Variants in FRMD6 observed in about 807,000 individuals in gnomAD.
FRMD6 encodes the protein FERM domain-containing protein 6.
Under a neutral mutation model 73.2 loss-of-function variants are expected in FRMD6, and 37 were observed. The ratio of observed to expected loss-of-function variants is 0.51; its 90% CI spans 0.39 to 0.66. The LOEUF (loss-of-function observed/expected upper bound fraction) is 0.66, where lower values mean the gene tolerates loss of function less well. Ranked by LOEUF, FRMD6 falls within the 30% of genes least tolerant of loss-of-function variation. The pLI, the probability that FRMD6 is intolerant of heterozygous loss-of-function variation, is 0.00. For synonymous variants in FRMD6, 273 were observed against 282.2 expected (o/e 0.97, Z 0.33); for missense variants, 714 against 780.5 (o/e 0.91, Z 1.02).
At position 51,728,831 on chromosome 14, in the gene FRMD6, G is replaced by C. The variant is rs1253811680; in HGVS notation, c.*802G>C. 2.0e-5 allele frequency: 3 copies of C among 152,384 alleles called. No individual in the cohort carries two copies. The highest frequency in any genetic ancestry group is 4.4e-5 in the Non-Finnish European group (3 of 68,034). 9.4% of individuals were successfully genotyped at this position (152,384 alleles called of 1,614,324 possible). On this transcript the variant is annotated 3_prime_UTR_variant, in exon 14 of 14. Transcript: ENST00000344768. ...TTTGGAAAATGTCTTAGAAAACGTT[G>C]GTGCTTGGTGATGCTTTATTTGTTT...
chr14:51,415,800 G>C, the FRMD6 span, among the ~76,000 whole-genome samples: 1 of 152,126 alleles, frequency 6.6e-6, no homozygotes, highest in Non-Finnish European at 1.5e-5. Context: ...TTTTTGGTTG[G>C]TAGGCTATTA....
At chr14:51,614,539 T>G (rs1022168048) in intron 2 of FRMD6, among the ~76,000 whole-genome samples, 2 of 152,206 alleles carry the variant, frequency 1.3e-5, no homozygotes, top group African/African-American at 4.8e-5. Flanking sequence ...TAAACAGGAT[T>G]TTCAATTCAG....
At chr14:51,405,725 G>A in the FRMD6 span, among the ~76,000 whole-genome samples, 356 of 152,168 alleles carry the variant, frequency 2.3e-3, no homozygotes, top group African/African-American at 8.4e-3. Flanking sequence ...TATAGATGCT[G>A]GATGTTAGAC....
intron 1 of FRMD6, among the ~76,000 whole-genome samples, chr14:51,676,382 A>G (rs1306189913): frequency 6.6e-6 from 1 of 152,206 alleles, no homozygotes; most frequent in African/African-American, 2.4e-5. Context: ...CATTAACAAT[A>G]CTAGGAGCTC....
the FRMD6 span, among the ~76,000 whole-genome samples, chr14:51,476,111 C>T: frequency 6.6e-6 from 1 of 152,192 alleles, no homozygotes; most frequent in African/African-American, 2.4e-5. Context: ...CAGAGTCATG[C>T]CTTCCACTCA....
chr14:51,493,768 C>A (rs563193396), intron 1 of FRMD6, among the ~76,000 whole-genome samples: 47 of 152,156 alleles, frequency 3.1e-4, no homozygotes, highest in Non-Finnish European at 1.0e-4. Context: ...TTGAGATGGT[C>A]CAATGAATGC....
At chr14:51,458,135 C>T in the FRMD6 span, among the ~76,000 whole-genome samples, 2 of 152,150 alleles carry the variant, frequency 1.3e-5, no homozygotes, top group South Asian at 4.1e-4. Context: ...ACTCTTTAAC[C>T]TATGTGGCTT....
At position 51,720,269 on chromosome 14, in the gene FRMD6, C is replaced by T; in HGVS notation, c.1239C>T (p.Ser413=). The T allele has an allele frequency of 1.9e-6, 3 of 1,613,970 alleles. No homozygotes were observed. Among genetic ancestry groups the T allele is most frequent in the Middle Eastern group, 1.7e-4 (1 of 6,060 alleles). Residue 413 remains serine (S), a synonymous_variant, in exon 11 of 14, where the codon TCC becomes TCT. Transcript: ENST00000344768. ...ACACGGGGCCAGAAGACAGCTACTC[C>T]AGCAGTGCCATCCACCGCAAGCTGA... ...PRDTGPEDSY[S]SSAIHRKLKT... is the part of the protein sequence containing the mutation.
intron 2 of FRMD6, among the ~76,000 whole-genome samples, chr14:51,691,588 A>ATTTTTTTTTTTTTTTT (rs758677611): frequency 1.2e-4 from 9 of 75,144 alleles, no homozygotes; most frequent in East Asian, 7.3e-4. Flanking sequence ...TTTGATTTTG[A>ATTTTTTTTTTTTTTTT]TTTTTTTTTT....
chr14:51,412,675 C>T, the FRMD6 span, among the ~76,000 whole-genome samples: 1 of 151,924 alleles, frequency 6.6e-6, no homozygotes, highest in Non-Finnish European at 1.5e-5. Flanking sequence ...CATGGTGCAA[C>T]CCCATCTCTA....
the FRMD6 span, among the ~76,000 whole-genome samples, chr14:51,401,700 C>T: frequency 2.7e-5 from 4 of 150,770 alleles, no homozygotes; most frequent in Admixed American, 6.6e-5. Context: ...TCGAATGGGA[C>T]GCTGACAGAG....
chr14:51,486,195 C>T (rs889372720), upstream of FRMD6, among the ~76,000 whole-genome samples: 2 of 151,980 alleles, frequency 1.3e-5, no homozygotes, highest in East Asian at 1.9e-4. Context: ...CCACCATGCC[C>T]GGCTAATTTT....
chr14:51,468,072 C>T, the FRMD6 span, among the ~76,000 whole-genome samples: 1 of 152,068 alleles, frequency 6.6e-6, no homozygotes, highest in Non-Finnish European at 1.5e-5. Flanking sequence ...GCAGATCACT[C>T]GCGGTCAGGA....
chr14:51,648,737 A>G (rs1449833819), upstream of FRMD6, among the ~76,000 whole-genome samples: 1 of 152,244 alleles, frequency 6.6e-6, no homozygotes, highest in Non-Finnish European at 1.5e-5. Context: ...TATAAGATTA[A>G]GGAGTATTTT....
intron 3 of FRMD6, among the ~76,000 whole-genome samples, chr14:51,699,162 T>C (rs1238337638): frequency 1.3e-5 from 2 of 152,084 alleles, no homozygotes; most frequent in East Asian, 3.9e-4. Flanking sequence ...AAATGTAGAC[T>C]GTTTTCAGTT....
chr14:51,622,423 G>A (rs937489847), intron 2 of FRMD6, among the ~76,000 whole-genome samples: 1 of 152,142 alleles, frequency 6.6e-6, no homozygotes, highest in Non-Finnish European at 1.5e-5. Context: ...GGTCACTAAA[G>A]GTAGCTCTAG....
At chr14:51,437,004 A>G in the FRMD6 span, 7 of 724,178 alleles carry the variant, frequency 9.7e-6, no homozygotes, top group Non-Finnish European at 1.3e-5. Context: ...TTAAATTATT[A>G]TACTTAAGTT....
chr14:51,401,471 T>C, the FRMD6 span, among the ~76,000 whole-genome samples: 1 of 152,174 alleles, frequency 6.6e-6, no homozygotes, highest in Non-Finnish European at 1.5e-5. Flanking sequence ...ACAAGTTCCT[T>C]GGGCAGCAGT....
At chr14:51,659,866 T>C (rs17590534) in intron 1 of FRMD6, among the ~76,000 whole-genome samples, 3,257 of 152,320 alleles carry the variant, frequency 0.021, 54 homozygotes, top group Middle Eastern at 0.048. Context: ...CAGAACCATT[T>C]GTGATTTTCT....
Sources: gnomAD v4.1 joint callset for allele counts (sites outside exome capture counted in the v4.1 genomes callset) on GRCh38, gnomAD v4.1.1 for gene constraint, MANE v1.5 for transcripts, NCBI Gene and HGNC (gene_info 2026-07-23, HGNC 2026-07-21) for gene names.